Variants in MYRIP observed in about 807,000 individuals in gnomAD.
MYRIP encodes rab effector MyRIP.
MYRIP carries 49 observed loss-of-function variants against 98.0 expected under a neutral mutation model. The ratio of observed to expected loss-of-function variants is 0.50; its 90% CI spans 0.40 to 0.63. The LOEUF is 0.63. Among genes scored for constraint, MYRIP ranks in the 30% least tolerant of loss-of-function variants. The pLI is 0.00. For synonymous variants in MYRIP, 404 were observed against 409.5 expected (o/e 0.99, Z 0.16); for missense variants, 1,004 against 1,058.2 (o/e 0.95, Z 0.71).
intron 1 of MYRIP, among the ~76,000 whole-genome samples, chr3:39,878,242 G>C (rs534948877): frequency 1.3e-5 from 2 of 152,202 alleles, no homozygotes; most frequent in Non-Finnish European, 2.9e-5. Context: ...TCCAGGTGCT[G>C]TCTGTCACCC....
intron 1 of MYRIP, among the ~76,000 whole-genome samples, chr3:39,871,992 C>T (rs968617619): frequency 6.6e-6 from 1 of 151,922 alleles, no homozygotes; most frequent in African/African-American, 2.4e-5. Flanking sequence ...ACCATAGATG[C>T]TTGAAGCTAT....
At chr3:39,971,201 G>A (rs907244080) in intron 2 of MYRIP, among the ~76,000 whole-genome samples, 6 of 152,010 alleles carry the variant, frequency 3.9e-5, no homozygotes, top group Non-Finnish European at 1.5e-5. Context: ...GTCCATAAGG[G>A]TCTAAAGTTG....
rs186451897 is a variant in MYRIP at position 39,860,843 on chromosome 3, T to C, written c.-30-39944T>C. Among the ~76,000 whole-genome samples the C allele has an allele frequency of 1.3e-4, 20 of 152,334 alleles. No homozygotes were observed. The East Asian group carries it at 2.9e-3, about 22-fold the overall frequency. ...CCTTTCCCATTGGCATGTGTAGGCATGTATACCCCACTAGTGTGAACATGT... is the reference window on the plus strand; with the variant it reads ...CCTTTCCCATTGGCATGTGTAGGCACGTATACCCCACTAGTGTGAACATGT... On this transcript the variant is annotated intron_variant, in intron 1 of 16. Coordinates refer to ENST00000302541, the MANE Select transcript of MYRIP (RefSeq NM_015460.4).
chr3:39,966,547 T>C lies in MYRIP; in HGVS notation c.110+65621T>C, dbSNP rs182567962. On this transcript the variant is annotated intron_variant, in intron 2 of 16. Transcript: ENST00000302541. Reference sequence around the variant, plus strand: ...GGTGTGGAGGGGTAAACCAAAAGTTTTGTTTAAAAAGGTGTGAGCCAGCTC... The same window carrying C: ...GGTGTGGAGGGGTAAACCAAAAGTTCTGTTTAAAAAGGTGTGAGCCAGCTC... 7.9e-5 allele frequency among the ~76,000 whole-genome samples: 12 copies of C among 152,278 alleles called. No homozygotes were observed. The East Asian group carries it at 2.3e-3, about 29-fold the overall frequency.
intron 2 of MYRIP, among the ~76,000 whole-genome samples, chr3:40,018,808 A>G (rs1946926823): frequency 6.6e-6 from 1 of 152,174 alleles, no homozygotes; most frequent in South Asian, 2.1e-4. Context: ...TCAATAAACT[A>G]GTCACAAAAA....
rs61097394 is a variant in MYRIP at position 40,190,500 on chromosome 3, C to T, written c.1665+37C>T. 1.2e-3 allele frequency: 1,788 copies of T among 1,541,482 alleles called. 19 individuals carry two copies. In the African/African-American group the frequency reaches 0.021, roughly 18 times the overall value. On this transcript the variant is annotated intron_variant, in intron 10 of 16. Transcript: ENST00000302541. The stretch of plus-strand genomic sequence containing the variant: ...GCATGCGTGCAAATGCACACACACT[C>T]TTTAGGTAGGATGTGCCCTACTCCA...
intron 2 of MYRIP, among the ~76,000 whole-genome samples, chr3:40,043,004 T>C (rs1257002278): frequency 6.6e-6 from 1 of 152,206 alleles, no homozygotes; most frequent in East Asian, 1.9e-4. Flanking sequence ...GGCTCACTGC[T>C]GCTATGCTCA....
chr3:40,246,817 C>T (rs944404420), intron 13 of MYRIP, among the ~76,000 whole-genome samples: 1 of 152,082 alleles, frequency 6.6e-6, no homozygotes, highest in Admixed American at 6.6e-5. Flanking sequence ...GTCAAAAATA[C>T]AACTCCTGAC....
intron 1 of MYRIP, among the ~76,000 whole-genome samples, chr3:39,845,594 A>G (rs1234224871): frequency 1.3e-5 from 2 of 152,108 alleles, no homozygotes; most frequent in African/African-American, 4.8e-5. Flanking sequence ...TGTTTTAGTA[A>G]CATCACTGTG....
At chr3:39,852,541 C>T (rs1448465493) in intron 1 of MYRIP, among the ~76,000 whole-genome samples, 3 of 151,560 alleles carry the variant, frequency 2.0e-5, no homozygotes, top group Non-Finnish European at 4.4e-5. Flanking sequence ...TCACCCCACT[C>T]CCCCCTTCCC....
chr3:40,140,486 G>A (rs1221465266), intron 3 of MYRIP, among the ~76,000 whole-genome samples: 1 of 152,140 alleles, frequency 6.6e-6, no homozygotes, highest in African/African-American at 2.4e-5. Flanking sequence ...CCCAGTAGTG[G>A]GATTTCTGAA....
chr3:39,927,152 T>A (rs1354467603), intron 2 of MYRIP, among the ~76,000 whole-genome samples: 2 of 152,108 alleles, frequency 1.3e-5, no homozygotes, highest in Non-Finnish European at 2.9e-5. Context: ...ACAGAAATGT[T>A]ACTGATTTTT....
At chr3:40,003,690 G>A (rs531980617) in intron 2 of MYRIP, among the ~76,000 whole-genome samples, 8 of 152,090 alleles carry the variant, frequency 5.3e-5, no homozygotes, top group East Asian at 3.9e-4. Flanking sequence ...CAAGTCTTTC[G>A]GCACTCTGAA....
At chr3:39,933,620 T>G (rs1329072854) in intron 2 of MYRIP, among the ~76,000 whole-genome samples, 1 of 152,210 alleles carries the variant, frequency 6.6e-6, no homozygotes, top group African/African-American at 2.4e-5. Context: ...CTTTTATGAA[T>G]TTTAAAACGA....
intron 2 of MYRIP, among the ~76,000 whole-genome samples, chr3:40,019,479 G>T (rs1365595955): frequency 6.6e-6 from 1 of 152,092 alleles, no homozygotes; most frequent in African/African-American, 2.4e-5. Flanking sequence ...CTCCCTGATT[G>T]CCCACCTCTG....
At chr3:40,148,795 G>A (rs1950059942) in intron 3 of MYRIP, among the ~76,000 whole-genome samples, 1 of 151,962 alleles carries the variant, frequency 6.6e-6, no homozygotes, top group African/African-American at 2.4e-5. Flanking sequence ...GTGATTTCTT[G>A]TCATCTATTC....
chr3:39,821,317 C>T (rs945677008), intron 1 of MYRIP, among the ~76,000 whole-genome samples: 1 of 147,138 alleles, frequency 6.8e-6, no homozygotes, highest in African/African-American at 2.5e-5. Context: ...CCACTGCCCA[C>T]CCCCGACCCC....
At chr3:40,005,217 A>G (rs994656616) in intron 2 of MYRIP, among the ~76,000 whole-genome samples, 3 of 152,158 alleles carry the variant, frequency 2.0e-5, no homozygotes, top group Non-Finnish European at 2.9e-5. Flanking sequence ...ATTCTTTGCT[A>G]TTGCCTAATT....
rs777131063 is a variant in MYRIP at position 40,151,003 on chromosome 3, A to G, written c.333-45A>G. 5.4e-6 allele frequency: 8 copies of G among 1,491,442 alleles called. No homozygotes were observed. In the East Asian group the frequency reaches 1.7e-4, roughly 32 times the overall value. 92.4% of individuals were successfully genotyped at this position (1,491,442 alleles called of 1,614,324 possible). ...CATTGCAGCAGTTTTGCAATTCACC[A>G]TTTAATAATTCTAATTTTGTGTTGT... On this transcript the variant is annotated intron_variant, in intron 3 of 16. Transcript: ENST00000302541.
Sources: allele counts gnomAD v4.1 joint callset (sites outside exome capture counted in the v4.1 genomes callset), GRCh38; gene constraint gnomAD v4.1.1; transcripts MANE v1.5; gene names NCBI Gene and HGNC (gene_info 2026-07-23, HGNC 2026-07-21).